IQCH: variants seen among roughly 807,000 people sequenced by gnomAD.
The protein encoded by IQCH is IQ domain-containing protein H.
In IQCH, 98 loss-of-function variants were observed where a neutral mutation model predicts 117.0. The observed-to-expected ratio is 0.84, with a 90% CI of 0.71 to 0.99. The LOEUF (loss-of-function observed/expected upper bound fraction) is 0.99, where lower values mean the gene tolerates loss of function less well. Ranked by LOEUF, IQCH falls within the 50% of genes least tolerant of loss-of-function variation. The pLI is 0.00. For synonymous variants in IQCH, 412 were observed against 448.2 expected, an observed-to-expected ratio of 0.92 and a Z score of 1.02; for missense variants, 1,102 against 1,243.8, an observed-to-expected ratio of 0.89 and a Z score of 1.72.
At chr15:67,285,370 A>C (rs1164746564) in intron 4 of IQCH, among the ~76,000 whole-genome samples, 1 of 151,820 alleles carries the variant, frequency 6.6e-6, no homozygotes, top group Admixed American at 6.6e-5. Flanking sequence ...AGTTTGCGAA[A>C]ATTTTCTCCC....
intron 16 of IQCH, among the ~76,000 whole-genome samples, chr15:67,442,904 T>TAC (rs2082313443): frequency 1.3e-5 from 2 of 150,266 alleles, no homozygotes; most frequent in Non-Finnish European, 3.0e-5. Context: ...TAGATATACA[T>TAC]ACACACATAT....
In IQCH at chr15:67,425,796, G is replaced by T. The variant is rs190398411; in HGVS notation, c.2505+4219G>T. Among the ~76,000 whole-genome samples, 13 of 152,042 alleles carry T rather than the reference G, an allele frequency of 8.6e-5. No homozygotes were observed. The highest frequency in any genetic ancestry group is 3.1e-4 in the African/African-American group (13 of 41,482). On this transcript the variant is annotated intron_variant, in intron 16 of 20. Coordinates refer to ENST00000335894, the MANE Select transcript of IQCH (RefSeq NM_001031715.3). The surrounding 1 kb of genome is among the most constrained non-coding windows in gnomAD (Gnocchi z 5.5). ...TTGTATTTCTGTGGAAAATTTTCTGGTAAAATTTTGTGTAGAAATTTCTGG... is the reference window on the plus strand; with the variant it reads ...TTGTATTTCTGTGGAAAATTTTCTGTTAAAATTTTGTGTAGAAATTTCTGG...
At chr15:67,269,034 A>C (rs1396679067) in intron 3 of IQCH, among the ~76,000 whole-genome samples, 1 of 152,056 alleles carries the variant, frequency 6.6e-6, no homozygotes, top group African/African-American at 2.4e-5. Flanking sequence ...AAAAAAAAAA[A>C]ACCAACACTT....
At chr15:67,296,954 C>T (rs1410120662) in intron 4 of IQCH, among the ~76,000 whole-genome samples, 1 of 152,216 alleles carries the variant, frequency 6.6e-6, no homozygotes, top group Non-Finnish European at 1.5e-5. Flanking sequence ...GCTCTCTCCC[C>T]TAACCCTTCT....
intron 16 of IQCH, among the ~76,000 whole-genome samples, chr15:67,460,272 C>T (rs192639085): frequency 4.6e-4 from 70 of 152,258 alleles, no homozygotes; most frequent in Middle Eastern, 3.4e-3. Context: ...ACATGGAAGT[C>T]TATATACAGT....
chr15:67,468,275 A>T lies in IQCH; in HGVS notation c.2676+2978A>T, dbSNP rs559849794. ...TTAACACAACCCAAGTCATTTATACACATTTTAGCAGCACATGATCTGTAA... is the reference window on the plus strand; with the variant it reads ...TTAACACAACCCAAGTCATTTATACTCATTTTAGCAGCACATGATCTGTAA... On this transcript the variant is annotated intron_variant, in intron 17 of 20. Coordinates refer to ENST00000335894, the MANE Select transcript of IQCH (RefSeq NM_001031715.3). Among the ~76,000 whole-genome samples the T allele has an allele frequency of 2.0e-5, 3 of 152,356 alleles. No individual in the cohort carries two copies. The East Asian group carries it at 5.8e-4, about 29-fold the overall frequency.
chr15:67,398,804 A>C (rs1165001499), intron 13 of IQCH, among the ~76,000 whole-genome samples: 2 of 152,136 alleles, frequency 1.3e-5, no homozygotes, highest in African/African-American at 4.8e-5. Flanking sequence ...CCTTCCGTAC[A>C]GAAAACCATA....
chr15:67,493,900 C>T lies in IQCH; in HGVS notation c.2862-358C>T, dbSNP rs2083732302. 6.6e-6 allele frequency among the ~76,000 whole-genome samples: 1 copy of T among 152,170 alleles called. No homozygotes were observed. The highest frequency in any genetic ancestry group is 2.4e-5 in the African/African-American group (1 of 41,438). On this transcript the variant is annotated intron_variant, in intron 19 of 20. Coordinates refer to ENST00000335894, the MANE Select transcript of IQCH (RefSeq NM_001031715.3). This position sits in a 1 kb window ranked among gnomAD's most constrained non-coding sequence, Gnocchi z 5.1. ...TTCAGTTCCCACCTATGAGTGAGAA[C>T]ATGCGGTGTTTGGTTTTCTGTCCTT...
At chr15:67,488,259 C>CA (rs1233775155) in intron 18 of IQCH, among the ~76,000 whole-genome samples, 3 of 152,182 alleles carry the variant, frequency 2.0e-5, no homozygotes, top group African/African-American at 7.2e-5. Flanking sequence ...ATCGAGGCTG[C>CA]AGTGAGCTGT....
intron 3 of IQCH, among the ~76,000 whole-genome samples, chr15:67,275,455 A>G (rs888195901): frequency 2.6e-5 from 4 of 151,994 alleles, no homozygotes; most frequent in African/African-American, 9.7e-5. Context: ...AATCTCAGTA[A>G]TGTATGTTTG....
chr15:67,483,237 AG>A (rs1193844550), intron 18 of IQCH, among the ~76,000 whole-genome samples: 1 of 152,172 alleles, frequency 6.6e-6, no homozygotes, highest in African/African-American at 2.4e-5. Flanking sequence ...AAAGAACAGA[AG>A]GGCCAGGCAC....
chr15:67,380,467 C>G lies in IQCH; in HGVS notation c.1373-4469C>G, dbSNP rs142985415. On this transcript the variant is annotated intron_variant, in intron 10 of 20. Coordinates refer to ENST00000335894, the MANE Select transcript of IQCH (RefSeq NM_001031715.3). The stretch of plus-strand genomic sequence containing the variant: ...CCCAGATAGAGCTGTTTCTTGCCAT[C>G]TTTTGGGAACCCACCTTCTTGCTTT... Among the ~76,000 whole-genome samples the G allele has an allele frequency of 6.3e-4, 96 of 152,316 alleles. 1 individual carries two copies. Among genetic ancestry groups the G allele is most frequent in the Admixed American group, 4.3e-3 (66 of 15,300 alleles).
At chr15:67,429,624 CA>C (rs1173425244) in intron 16 of IQCH, among the ~76,000 whole-genome samples, 1 of 152,222 alleles carries the variant, frequency 6.6e-6, no homozygotes, top group Non-Finnish European at 1.5e-5. Flanking sequence ...AGCACTTTCA[CA>C]TACATGATCT....
chr15:67,494,131 G>C lies in IQCH; in HGVS notation c.2862-127G>C. ...CATCTTTCATATCTCCCTGAAGATTGCCACCTTGTGAGATTGAAAATACTC... is the reference window on the plus strand; with the variant it reads ...CATCTTTCATATCTCCCTGAAGATTCCCACCTTGTGAGATTGAAAATACTC... On this transcript the variant is annotated intron_variant, in intron 19 of 20. Coordinates refer to ENST00000335894, the MANE Select transcript of IQCH (RefSeq NM_001031715.3). This position sits in a 1 kb window ranked among gnomAD's most constrained non-coding sequence, Gnocchi z 5.5. 1 of 576,856 alleles carries C rather than the reference G, an allele frequency of 1.7e-6. No individual in the cohort carries two copies. The highest frequency in any genetic ancestry group is 2.9e-6 in the Non-Finnish European group (1 of 339,694). 35.7% of individuals were successfully genotyped at this position (576,856 alleles called of 1,614,324 possible).
intron 4 of IQCH, among the ~76,000 whole-genome samples, chr15:67,289,966 G>T (rs1966696426): frequency 1.3e-5 from 2 of 151,950 alleles, no homozygotes; most frequent in African/African-American, 2.4e-5. Flanking sequence ...ATCACTTTTG[G>T]CCATTTGACA....
At chr15:67,439,699 A>G (rs1165854492) in intron 16 of IQCH, among the ~76,000 whole-genome samples, 1 of 152,136 alleles carries the variant, frequency 6.6e-6, no homozygotes, top group African/African-American at 2.4e-5. Flanking sequence ...CAGCGTGACC[A>G]ACATGGAGAA....
In IQCH at chr15:67,264,753, G is replaced by A. The variant is rs141952200; in HGVS notation, c.269+1537G>A. On this transcript the variant is annotated intron_variant, in intron 3 of 20. Coordinates refer to ENST00000335894, the MANE Select transcript of IQCH (RefSeq NM_001031715.3). ...TACAAGGGCATGAATACCAGGGGGT[G>A]GGGATCATTGGGGGCCATCTAGGAG... Among the ~76,000 whole-genome samples, 97 of 152,074 alleles carry A rather than the reference G, an allele frequency of 6.4e-4. 1 individual carries two copies. The highest frequency in any genetic ancestry group is 4.3e-3 in the Admixed American group (66 of 15,262).
chr15:67,498,521 C>T (rs2141115128), intron 20 of IQCH, among the ~76,000 whole-genome samples: 1 of 151,416 alleles, frequency 6.6e-6, no homozygotes. Flanking sequence ...GAGGCTGAGG[C>T]AGGAGAATCA....
Position 67,453,352 on chromosome 15 carries a change from G to C in IQCH, c.2506-11775G>C, listed in dbSNP as rs898834215. 3.3e-5 allele frequency among the ~76,000 whole-genome samples: 5 copies of C among 151,898 alleles called. No homozygotes were observed. The highest frequency in any genetic ancestry group is 2.6e-4 in the Admixed American group (4 of 15,256). ...TGCTCTGTTTTTTTCCCATCTTTGT[G>C]GTTTTATCTACCTTTGGTCTTTGAT... On this transcript the variant is annotated intron_variant, in intron 16 of 20. Coordinates refer to ENST00000335894, the MANE Select transcript of IQCH (RefSeq NM_001031715.3). The surrounding 1 kb of genome is among the most constrained non-coding windows in gnomAD (Gnocchi z 5.8).
Sources: allele counts gnomAD v4.1 joint callset (sites outside exome capture counted in the v4.1 genomes callset), GRCh38; gene constraint gnomAD v4.1.1; non-coding constraint Gnocchi (gnomAD v3.1); transcripts MANE v1.5; gene names NCBI Gene and HGNC (gene_info 2026-07-23, HGNC 2026-07-21).